The following LIPC variants were observed in gnomAD, a reference collection of about 807,000 sequenced individuals.
LIPC encodes the protein lipase C, hepatic type.
LIPC carries 44 observed loss-of-function variants against 50.7 expected under a neutral mutation model. That is an observed-to-expected ratio of 0.87 (90% CI 0.68 to 1.11). The LOEUF (loss-of-function observed/expected upper bound fraction) is 1.11, where lower values mean the gene tolerates loss of function less well. LIPC is among the 50% of genes most tolerant of loss of function. LIPC has a pLI of 0.00. For missense variants in LIPC, 697 were observed against 648.2 expected (o/e 1.08, Z -0.82); for synonymous variants, 271 against 256.4 (o/e 1.06, Z -0.54).
At chr15:58,459,661 G>T (rs1392162873) in intron 1 of LIPC, among the ~76,000 whole-genome samples, 1 of 152,218 alleles carries the variant, frequency 6.6e-6, no homozygotes, top group East Asian at 1.9e-4. Context: ...CACATAGGGT[G>T]TGGCCCACAC....
chr15:58,454,260 G>A (rs1280768855), intron 1 of LIPC: 1 of 152,288 alleles, frequency 6.6e-6, no homozygotes, highest in Non-Finnish European at 1.5e-5. Context: ...GCAGGGGAGA[G>A]TTTGGGGCAA....
intron 1 of LIPC, among the ~76,000 whole-genome samples, chr15:58,434,292 C>A (rs1056978367): frequency 5.3e-5 from 8 of 152,144 alleles, no homozygotes; most frequent in Non-Finnish European, 8.8e-5. Flanking sequence ...CCTCAAGGAC[C>A]CTTCCTCTTT....
rs527956472 is a variant in LIPC at position 58,563,539 on chromosome 15, T to C, written c.1204T>C (p.Phe402Leu). The change falls in exon 8 of 9, where the codon TTT (phenylalanine) becomes CTT (leucine). Residue 402 changes from phenylalanine to leucine, a missense_variant. By Grantham distance (22) the Phe-to-Leu change is conservative. Transcript: ENST00000299022. ...AATTGCTAGTAATAAAACGTATTCC[T>C]TTCTTATCACGCTGGATGTGGATAT... is the stretch of plus-strand genomic sequence containing the variant. ...KGIASNKTYS[F>L]LITLDVDIGE... 1.2e-6 allele frequency: 2 copies of C among 1,614,254 alleles called. No homozygotes were observed. The highest frequency in any genetic ancestry group is 2.2e-5 in the South Asian group (2 of 91,082).
intron 1 of LIPC, among the ~76,000 whole-genome samples, chr15:58,518,072 C>G (rs1979177): frequency 0.66 from 100,200 of 152,082 alleles, 34,054 homozygotes; most frequent in Middle Eastern, 0.76. Flanking sequence ...ACTTCTTGAT[C>G]ACAGCACACT....
At chr15:58,450,682 T>C (rs1893869083) in intron 1 of LIPC, among the ~76,000 whole-genome samples, 1 of 152,178 alleles carries the variant, frequency 6.6e-6, no homozygotes, top group Non-Finnish European at 1.5e-5. Context: ...CTGCTATACC[T>C]AGGTACTAGG....
intron 5 of LIPC, among the ~76,000 whole-genome samples, chr15:58,546,735 T>A (rs1156268237): frequency 6.6e-6 from 1 of 152,048 alleles, no homozygotes; most frequent in Non-Finnish European, 1.5e-5. Flanking sequence ...AGTAGAGCCC[T>A]CCACCCCTAC....
Position 58,548,534 on chromosome 15 carries a change from G to C in LIPC, c.1013G>C (p.Arg338Thr). 1 of 1,598,516 alleles carries C rather than the reference G, an allele frequency of 6.3e-7. No individual in the cohort carries two copies. The highest frequency in any genetic ancestry group is 8.5e-7 in the Non-Finnish European group (1 of 1,172,360). ...VRQEPRSKSK[R>T]LFLVTRAQSP... is the part of the protein sequence containing the mutation. ...CAGGAGCCGCGGAGCAAGAGCAAGAGGCTCTTCCTCGTAACGCGAGCCCAG... is the reference window on the plus strand; with the variant it reads ...CAGGAGCCGCGGAGCAAGAGCAAGACGCTCTTCCTCGTAACGCGAGCCCAG... The change falls in exon 6 of 9, where the codon AGG becomes ACG. Residue 338 changes from arginine (R) to threonine (T), a missense_variant. By Grantham distance (71) the Arg-to-Thr change is moderately conservative. Coordinates refer to ENST00000299022, the MANE Select transcript of LIPC (RefSeq NM_000236.3).
chr15:58,527,671 A>T (rs1892834222), intron 1 of LIPC, among the ~76,000 whole-genome samples: 1 of 152,212 alleles, frequency 6.6e-6, no homozygotes, highest in African/African-American at 2.4e-5. Context: ...CTCTACCATA[A>T]GACCATGAGC....
intron 8 of LIPC, chr15:58,563,947 C>T: frequency 3.5e-6 from 2 of 567,300 alleles, no homozygotes; most frequent in South Asian, 3.6e-5. Flanking sequence ...CCAGGGTCTC[C>T]CCACTGCCCG....
chr15:58,483,974 G>A (rs1891279023), intron 1 of LIPC, among the ~76,000 whole-genome samples: 2 of 152,116 alleles, frequency 1.3e-5, no homozygotes, highest in Admixed American at 6.5e-5. Flanking sequence ...TGTCCAACAT[G>A]GGCTCTCTTC....
chr15:58,566,743 G>A (rs1894376824), intron 8 of LIPC, among the ~76,000 whole-genome samples: 1 of 152,072 alleles, frequency 6.6e-6, no homozygotes, highest in African/African-American at 2.4e-5. Context: ...TATAATAACT[G>A]GCTAAACCTA....
At chr15:58,432,788 G>C (rs546445539) in intron 1 of LIPC, among the ~76,000 whole-genome samples, 3 of 152,184 alleles carry the variant, frequency 2.0e-5, no homozygotes, top group Admixed American at 2.0e-4. Flanking sequence ...ATAAATGACG[G>C]ATCAGTTAAT....
rs1595891117 is a variant in LIPC at position 58,489,227 on chromosome 15, G to A, written c.89-49106G>A. 2.0e-5 allele frequency among the ~76,000 whole-genome samples: 2 copies of A among 99,844 alleles called. 1 individual carries two copies. The highest frequency in any genetic ancestry group is 9.3e-5 in the African/African-American group (2 of 21,394). The allele number at this position is 99,844 out of a possible 152,430, so 65.5% of individuals were successfully genotyped here. On this transcript the variant is annotated intron_variant, in intron 1 of 8. Coordinates refer to ENST00000299022, the MANE Select transcript of LIPC (RefSeq NM_000236.3). Reference sequence around the variant, plus strand: ...GGATTCATTTTGTTGCGGGGGCGGGGGGGCGGCTTACAAGCTTCCCAGGGT... The same window carrying A: ...GGATTCATTTTGTTGCGGGGGCGGGAGGGCGGCTTACAAGCTTCCCAGGGT...
At chr15:58,443,398 C>T (rs1224295151) in intron 1 of LIPC, among the ~76,000 whole-genome samples, 2 of 152,230 alleles carry the variant, frequency 1.3e-5, no homozygotes, top group Non-Finnish European at 2.9e-5. Flanking sequence ...GCCTCCATCA[C>T]TGCCCCTGGC....
At chr15:58,542,393 A>T (rs1329785618) in intron 3 of LIPC, 141 bp from the exon 4 acceptor site, 3 of 739,118 alleles carry the variant, frequency 4.1e-6, no homozygotes, top group African/African-American at 3.4e-5. Context: ...TTGAGAGATT[A>T]GTTTCAGTTT....
intron 6 of LIPC, among the ~76,000 whole-genome samples, chr15:58,549,889 C>T (rs1291927682): frequency 1.3e-5 from 2 of 152,244 alleles, no homozygotes; most frequent in Non-Finnish European, 2.9e-5. Flanking sequence ...CGGGGAGCTC[C>T]TCCGCTGCAG....
intron 1 of LIPC, chr15:58,435,664 C>T (rs1354534303): frequency 1.3e-5 from 2 of 152,380 alleles, no homozygotes; most frequent in South Asian, 4.1e-4. Flanking sequence ...AATCCCAGCA[C>T]TTTGGGAGGC....
At chr15:58,504,208 C>A (rs1285624061) in intron 1 of LIPC, among the ~76,000 whole-genome samples, 1 of 152,166 alleles carries the variant, frequency 6.6e-6, no homozygotes, top group East Asian at 1.9e-4. Flanking sequence ...CATAAAAGTC[C>A]TCTTGATGGT....
intron 6 of LIPC, among the ~76,000 whole-genome samples, chr15:58,549,122 G>A (rs1893654133): frequency 6.6e-6 from 1 of 152,210 alleles, no homozygotes; most frequent in East Asian, 1.9e-4. Context: ...GGCAGAAAGT[G>A]GGCCCAGCAG....
Sources: gnomAD v4.1 joint callset for allele counts (sites outside exome capture counted in the v4.1 genomes callset) on GRCh38, gnomAD v4.1.1 for gene constraint, MANE v1.5 for transcripts, NCBI Gene and HGNC (gene_info 2026-07-23, HGNC 2026-07-21) for gene names.